ZNF185: variants seen among roughly 807,000 people sequenced by gnomAD.
The protein encoded by ZNF185 is zinc finger protein 185 with LIM domain.
A neutral mutation model predicts 58.6 loss-of-function variants in ZNF185; 56 were observed. That is an observed-to-expected ratio of 0.95 (90% CI 0.77 to 1.19). The LOEUF (loss-of-function observed/expected upper bound fraction) is 1.19, where lower values mean the gene tolerates loss of function less well. Ranked by LOEUF, ZNF185 falls within the 50% of genes most tolerant of loss-of-function variation. The pLI, the probability that ZNF185 is intolerant of heterozygous loss-of-function variation, is 0.00. For synonymous variants in ZNF185, 230 were observed against 215.9 expected (o/e 1.07, Z -0.57); for missense variants, 627 against 573.5 (o/e 1.09, Z -0.95).
At chrX:152,928,529 G>T in intron 11 of ZNF185, 46 bp from the exon 13 acceptor site, 1 of 1,193,553 alleles carries the variant, frequency 8.4e-7, no homozygotes, top group Non-Finnish European at 1.1e-6. Context: ...AGAAGGGGGA[G>T]ACTTTTCTCA....
intron 19 of ZNF185, among the ~76,000 whole-genome samples, chrX:152,966,733 G>C (rs1339248280): frequency 9.0e-6 from 1 of 111,476 alleles, no homozygotes; most frequent in Admixed American, 9.5e-5. Context: ...GAACACCTTT[G>C]TCTCCCCAAA....
the ZNF185 span, among the ~76,000 whole-genome samples, chrX:152,905,958 A>G: frequency 1.8e-5 from 2 of 112,224 alleles, no homozygotes; most frequent in Non-Finnish European, 3.8e-5. Context: ...TTGGGTTTGT[A>G]AAGCCCAACT....
intron 14 of ZNF185, among the ~76,000 whole-genome samples, chrX:152,933,352 T>C (rs1375207802): frequency 1.8e-5 from 2 of 112,357 alleles, no homozygotes; most frequent in Non-Finnish European, 3.8e-5. Context: ...TTCTTACTTC[T>C]TGGTTAAGCT....
intron 15 of ZNF185, among the ~76,000 whole-genome samples, chrX:152,938,988 G>T (rs1380039781): frequency 9.1e-6 from 1 of 109,292 alleles, no homozygotes; most frequent in African/African-American, 3.4e-5. Flanking sequence ...TAACCCTGAG[G>T]TGGGAACATG....
At chrX:152,902,997 G>A in the ZNF185 span, among the ~76,000 whole-genome samples, 2 of 111,814 alleles carry the variant, frequency 1.8e-5, no homozygotes, top group South Asian at 7.5e-4. Flanking sequence ...GCAAGAAGGA[G>A]TGACTTCCTG....
chrX:152,920,626 G>A (rs1403018662), intron 8 of ZNF185, 81 bp from the exon 10 acceptor site: 2 of 1,157,565 alleles, frequency 1.7e-6, no homozygotes, highest in African/African-American at 3.5e-5. Flanking sequence ...AGAGGGCCCA[G>A]GACCCTCTGA....
intron 17 of ZNF185, 73 bp downstream of exon 19, chrX:152,959,969 A>G: frequency 9.8e-7 from 1 of 1,015,440 alleles, no homozygotes; most frequent in Non-Finnish European, 1.3e-6. Flanking sequence ...ACCCAGGACA[A>G]ACCCCCACAC....
chrX:152,904,519 G>A, the ZNF185 span, among the ~76,000 whole-genome samples: 4 of 112,480 alleles, frequency 3.6e-5, no homozygotes, highest in Admixed American at 9.4e-5. Context: ...ACAGGAGGCT[G>A]CTTCATCAAA....
chrX:152,920,898 G>A, intron 9 of ZNF185, 150 bp downstream of exon 10: 1 of 697,196 alleles, frequency 1.4e-6, no homozygotes, highest in Non-Finnish European at 2.2e-6. Flanking sequence ...GGGGCTGGGG[G>A]CTTCTGTCTG....
At chrX:152,925,303 C>G (rs1160243133) in intron 11 of ZNF185, among the ~76,000 whole-genome samples, 1 of 110,574 alleles carries the variant, frequency 9.0e-6, no homozygotes, top group Admixed American at 9.6e-5. Flanking sequence ...AAGACCCTGT[C>G]TCTAAAACAA....
chrX:152,944,090 C>T (rs2047535134), intron 15 of ZNF185, among the ~76,000 whole-genome samples: 1 of 113,174 alleles, frequency 8.8e-6, no homozygotes, highest in South Asian at 3.6e-4. Flanking sequence ...ACTCACTTGC[C>T]TGCAGTTCTG....
rs782729374 is a variant in ZNF185 at position 152,945,325 on chromosome X, G to A, written c.1270G>A (p.Glu424Lys). 6 of 1,206,425 alleles carry A rather than the reference G, an allele frequency of 5.0e-6. No individual in the cohort carries two copies. The Admixed American group carries it at 6.6e-5, about 13-fold the overall frequency. The stretch of plus-strand genomic sequence containing the variant: ...CACCAGGGTCGGAGAGGCCTGGCAG[G>A]AGAGGCCTGGAGCTCCAAGAGGTGG... Residue 424 changes from glutamate to lysine, a missense_variant, in exon 16 of 23, where the codon GAG becomes AAG. Physicochemically the swap from Glu to Lys is moderately conservative, Grantham distance 56 (BLOSUM62 1). Coordinates refer to ENST00000449285, the Ensembl canonical transcript of ZNF185.
At chrX:152,938,940 C>T (rs1280119128) in intron 15 of ZNF185, among the ~76,000 whole-genome samples, 3 of 103,889 alleles carry the variant, frequency 2.9e-5, no homozygotes, top group African/African-American at 7.0e-5. Flanking sequence ...AGAAAGAACA[C>T]GGTGGAGAGA....
At chrX:152,904,208 G>A in the ZNF185 span, among the ~76,000 whole-genome samples, 52 of 112,262 alleles carry the variant, frequency 4.6e-4, no homozygotes, top group East Asian at 0.014. Context: ...TCTGGCAAGA[G>A]GGGCCCAGCC....
chrX:152,905,722 G>C, the ZNF185 span, among the ~76,000 whole-genome samples: 186 of 109,363 alleles, frequency 1.7e-3, 2 homozygotes, highest in Non-Finnish European at 2.9e-3. Context: ...TTGGGGGGGG[G>C]GCGGGGTCAC....
chrX:152,912,709 G>C (rs1384028352), upstream of ZNF185, among the ~76,000 whole-genome samples: 1 of 112,525 alleles, frequency 8.9e-6, no homozygotes, highest in African/African-American at 3.2e-5. Context: ...AGACTAGGAG[G>C]TCCTCCTGCA....
chrX:152,917,538 C>T (rs1477801362), intron 5 of ZNF185, among the ~76,000 whole-genome samples, 176 bp downstream of exon 6: 2 of 111,440 alleles, frequency 1.8e-5, no homozygotes, highest in African/African-American at 3.3e-5. Context: ...AGGAGATGGG[C>T]TGGGGTGGGA....
upstream of ZNF185, among the ~76,000 whole-genome samples, chrX:152,912,970 T>C (rs1450835030): frequency 8.9e-6 from 1 of 112,886 alleles, no homozygotes; most frequent in Non-Finnish European, 1.9e-5. Flanking sequence ...GAGGTGCCAT[T>C]CCTGGCACAC....
At chrX:152,922,589 C>A in intron 10 of ZNF185, 131 bp from the exon 12 acceptor site, 1 of 639,623 alleles carries the variant, frequency 1.6e-6, no homozygotes, top group Non-Finnish European at 2.4e-6. Flanking sequence ...TTTGAGAGGG[C>A]CAGCCACCAT....
Sources: allele counts gnomAD v4.1 joint callset (sites outside exome capture counted in the v4.1 genomes callset), GRCh38; gene constraint gnomAD v4.1.1; transcripts MANE v1.5; gene names NCBI Gene and HGNC (gene_info 2026-07-23, HGNC 2026-07-21).